AGMO: variants seen among roughly 807,000 people sequenced by gnomAD.
AGMO encodes the protein glyceryl-ether monooxygenase.
In AGMO, 75 loss-of-function variants were observed where a neutral mutation model predicts 60.2. The ratio of observed to expected loss-of-function variants is 1.25; its 90% CI spans 1.03 to 1.51. AGMO has a LOEUF of 1.51. Among genes scored for constraint, AGMO ranks in the 40% most tolerant of loss-of-function variants. The pLI is 0.00. For missense variants in AGMO, 763 were observed against 525.5 expected (o/e 1.45, Z -4.42); for synonymous variants, 261 against 177.1 (o/e 1.47, Z -3.76).
At chr7:15,140,764 T>C in the AGMO span, among the ~76,000 whole-genome samples, 4 of 152,202 alleles carry the variant, frequency 2.6e-5, no homozygotes, top group Admixed American at 6.5e-5. Context: ...TTTTACATAC[T>C]TTTTTGCTAA....
chr7:15,244,901 C>T (rs1318050749), intron 12 of AGMO, among the ~76,000 whole-genome samples: 4 of 152,174 alleles, frequency 2.6e-5, no homozygotes, highest in Non-Finnish European at 4.4e-5. Flanking sequence ...ATCTGCCTGC[C>T]TTGGTCTCCC....
At chr7:15,539,053 A>G (rs565945067) in intron 3 of AGMO, among the ~76,000 whole-genome samples, 2 of 152,340 alleles carry the variant, frequency 1.3e-5, no homozygotes, top group African/African-American at 4.8e-5. Context: ...GCCTCAGTAT[A>G]TAATCAATGC....
At chr7:15,348,494 C>G (rs544346740) in intron 12 of AGMO, among the ~76,000 whole-genome samples, 2 of 152,102 alleles carry the variant, frequency 1.3e-5, no homozygotes, top group East Asian at 3.9e-4. Context: ...ATTTGAAAAT[C>G]TTAAGTAAAA....
chr7:15,325,148 C>T (rs934685750), intron 12 of AGMO, among the ~76,000 whole-genome samples: 2 of 151,928 alleles, frequency 1.3e-5, no homozygotes, highest in Non-Finnish European at 2.9e-5. Flanking sequence ...TTTAATTTCA[C>T]GTTTTGAGAA....
At chr7:15,185,752 A>C in the AGMO span, among the ~76,000 whole-genome samples, 1 of 152,194 alleles carries the variant, frequency 6.6e-6, no homozygotes, top group Non-Finnish European at 1.5e-5. Flanking sequence ...TGAAAATCAC[A>C]ATCTATAAAG....
chr7:15,476,504 G>A (rs1202958552), intron 3 of AGMO, among the ~76,000 whole-genome samples: 2 of 152,040 alleles, frequency 1.3e-5, no homozygotes, highest in Non-Finnish European at 2.9e-5. Flanking sequence ...TCTATGGCAC[G>A]AAGTAAGTTA....
At chr7:15,525,012 C>T (rs921654772) in intron 3 of AGMO, among the ~76,000 whole-genome samples, 3 of 152,124 alleles carry the variant, frequency 2.0e-5, no homozygotes, top group African/African-American at 7.2e-5. Flanking sequence ...GAATGGATCT[C>T]TTCTTGGTCA....
rs779802840 is a variant in AGMO, at chr7:15,534,473, A to G, written c.409+10299T>C. Among the ~76,000 whole-genome samples, 5 of 152,024 alleles carry G rather than the reference A, an allele frequency of 3.3e-5. No individual in the cohort carries two copies. The East Asian group carries it at 9.6e-4, about 29-fold the overall frequency. ...ATAAAAGCAAAATATAATTTTGTTT[A>G]TTACAGTTGACAACTATTCATCTAG... On this transcript the variant is annotated intron_variant, in intron 3 of 12. Transcript: ENST00000342526.
Position 15,355,369 on chromosome 7 carries a change from G to A in AGMO, c.1263+10145C>T, listed in dbSNP as rs548253718. ...TACAAAAAAATTAGCCAAGCATGGT[G>A]GCGGATGCCTGTAGTCCCAGCTACT... On this transcript the variant is annotated intron_variant, in intron 12 of 12. Coordinates refer to ENST00000342526, the MANE Select transcript of AGMO (RefSeq NM_001004320.2). Among the ~76,000 whole-genome samples, 6 of 152,004 alleles carry A rather than the reference G, an allele frequency of 3.9e-5. No homozygotes were observed. In the East Asian group the frequency reaches 1.2e-3, roughly 30 times the overall value.
chr7:15,175,236 TC>T, the AGMO span, among the ~76,000 whole-genome samples: 1 of 152,070 alleles, frequency 6.6e-6, no homozygotes, highest in South Asian at 2.1e-4. Context: ...AATATATTCT[TC>T]CATTTTTCCA....
chr7:15,295,036 A>G (rs1033244245), intron 12 of AGMO, among the ~76,000 whole-genome samples: 1 of 151,880 alleles, frequency 6.6e-6, no homozygotes, highest in African/African-American at 2.4e-5. Flanking sequence ...CAATAATAAG[A>G]GATGTATTTC....
chr7:15,318,677 A>G (rs2128536905), intron 12 of AGMO, among the ~76,000 whole-genome samples: 1 of 152,320 alleles, frequency 6.6e-6, no homozygotes, highest in African/African-American at 2.4e-5. Context: ...ATTTATGAGG[A>G]AATTTAATCA....
intron 3 of AGMO, among the ~76,000 whole-genome samples, chr7:15,523,408 A>G (rs556856820): frequency 5.3e-5 from 8 of 152,318 alleles, no homozygotes; most frequent in Admixed American, 4.6e-4. Flanking sequence ...CACTATTTAC[A>G]ATAGCAAAGA....
chr7:15,244,518 A>G (rs1032210910), intron 12 of AGMO, among the ~76,000 whole-genome samples: 1 of 152,220 alleles, frequency 6.6e-6, no homozygotes, highest in Non-Finnish European at 1.5e-5. Context: ...ATGTCAATGC[A>G]AAGAACGCAA....
chr7:15,255,703 T>C (rs1783077018), intron 12 of AGMO, among the ~76,000 whole-genome samples: 1 of 152,170 alleles, frequency 6.6e-6, no homozygotes, highest in Non-Finnish European at 1.5e-5. Context: ...CATAAATGGT[T>C]AAATATATGC....
chr7:15,282,199 A>G (rs1299378516), intron 12 of AGMO, among the ~76,000 whole-genome samples: 1 of 152,168 alleles, frequency 6.6e-6, no homozygotes, highest in Non-Finnish European at 1.5e-5. Flanking sequence ...AGATCATACT[A>G]GCTTTTGAGC....
chr7:15,186,285 T>G, the AGMO span, among the ~76,000 whole-genome samples: 3 of 152,222 alleles, frequency 2.0e-5, no homozygotes, highest in Non-Finnish European at 4.4e-5. Flanking sequence ...TGAATGCAGA[T>G]TGCAGGATTG....
intron 12 of AGMO, among the ~76,000 whole-genome samples, chr7:15,297,600 T>G (rs558356645): frequency 1.3e-5 from 2 of 152,154 alleles, no homozygotes; most frequent in Non-Finnish European, 2.9e-5. Context: ...ATACAGAAAT[T>G]AGCAAAATAA....
intron 12 of AGMO, among the ~76,000 whole-genome samples, chr7:15,259,183 T>C (rs111702783): frequency 1.2e-3 from 189 of 152,116 alleles, no homozygotes; most frequent in African/African-American, 3.9e-3. Context: ...AGAAAAATTC[T>C]TCAGTGAAAT....
Sources: gnomAD v4.1 joint callset for allele counts (sites outside exome capture counted in the v4.1 genomes callset) on GRCh38, gnomAD v4.1.1 for gene constraint, MANE v1.5 for transcripts, NCBI Gene and HGNC (gene_info 2026-07-23, HGNC 2026-07-21) for gene names.